RAB30: variants seen among roughly 807,000 people sequenced by gnomAD.
RAB30 encodes ras-related protein Rab-30.
In RAB30, 9 loss-of-function variants were observed where a neutral mutation model predicts 25.1. That is an observed-to-expected ratio of 0.36 (90% CI 0.22 to 0.63). The LOEUF (loss-of-function observed/expected upper bound fraction) is 0.63, where lower values mean the gene tolerates loss of function less well. RAB30 is among the 20% of genes least tolerant of loss of function. The pLI, the probability that RAB30 is intolerant of heterozygous loss-of-function variation, is 0.69. For synonymous variants in RAB30, 77 were observed against 86.4 expected, an observed-to-expected ratio of 0.89 and a Z score of 0.60; for missense variants, 140 against 243.5, an observed-to-expected ratio of 0.58 and a Z score of 2.83.
intron 1 of RAB30, among the ~76,000 whole-genome samples, chr11:83,042,997 G>T (rs1290245034): frequency 6.6e-6 from 1 of 152,076 alleles, no homozygotes; most frequent in Non-Finnish European, 1.5e-5. Flanking sequence ...TATTATTAAC[G>T]GTATTTGGAC....
intron 1 of RAB30, among the ~76,000 whole-genome samples, chr11:83,011,289 CGTT>C (rs1046157484): frequency 5.9e-5 from 9 of 152,120 alleles, no homozygotes; most frequent in African/African-American, 1.9e-4. Flanking sequence ...TTGTTTTGAT[CGTT>C]GTTGTAATCG....
At chr11:83,058,918 T>C (rs1858508735) in intron 1 of RAB30, among the ~76,000 whole-genome samples, 1 of 152,232 alleles carries the variant, frequency 6.6e-6, no homozygotes, top group African/African-American at 2.4e-5. Flanking sequence ...CTCTGTCTCC[T>C]GACCAGCCAC....
intron 1 of RAB30, among the ~76,000 whole-genome samples, chr11:82,998,672 T>G (rs1857011921): frequency 1.3e-5 from 2 of 149,558 alleles, no homozygotes; most frequent in South Asian, 2.1e-4. Context: ...GAAGAGACAA[T>G]GTCTGCCCTC....
chr11:83,005,943 T>C (rs186131287), intron 1 of RAB30, among the ~76,000 whole-genome samples: 1 of 150,916 alleles, frequency 6.6e-6, no homozygotes, highest in African/African-American at 2.5e-5. Flanking sequence ...AAATAGCACT[T>C]ACATTTTTTT....
rs1565262363 is a variant in RAB30, at chr11:82,975,630, G to C, written c.*6535C>G. 6.6e-6 allele frequency: 1 copy of C among 152,076 alleles called. No individual in the cohort carries two copies. The highest frequency in any genetic ancestry group is 1.5e-5 in the Non-Finnish European group (1 of 67,994). The allele number at this position is 152,076 out of a possible 1,614,324, so 9.4% of individuals were successfully genotyped here. On this transcript the variant is annotated 3_prime_UTR_variant, in exon 5 of 5. Transcript: ENST00000527633. The stretch of plus-strand genomic sequence containing the variant: ...CATTTTTACCAAGGGGAGGAAACAA[G>C]AGCCATACAGCCAGAATAATTCTTC...
At chr11:83,012,030 T>C (rs11233413) in intron 1 of RAB30, among the ~76,000 whole-genome samples, 41,146 of 152,012 alleles carry the variant, frequency 0.27, 6,007 homozygotes, top group Admixed American at 0.31. Flanking sequence ...AGGGGCTCAG[T>C]TTCTGCAGGA....
At chr11:82,988,546 TA>T (rs1856785675) in intron 3 of RAB30, among the ~76,000 whole-genome samples, 1 of 152,214 alleles carries the variant, frequency 6.6e-6, no homozygotes, top group South Asian at 2.1e-4. Context: ...TATTTCTTTA[TA>T]AAAAGTGGTT....
intron 3 of RAB30, among the ~76,000 whole-genome samples, chr11:82,993,446 ACAGATTGTAGGTACT>A (rs1194743476): frequency 6.6e-6 from 1 of 152,230 alleles, no homozygotes; most frequent in African/African-American, 2.4e-5. Context: ...AGAGGCACTG[ACAGATTGTAGGTACT>A]CAATAAACAT....
chr11:83,005,807 T>C (rs1857172297), intron 1 of RAB30, among the ~76,000 whole-genome samples: 1 of 152,066 alleles, frequency 6.6e-6, no homozygotes. Flanking sequence ...GACTGCAATA[T>C]ATATTATTAA....
intron 1 of RAB30, chr11:83,059,982 G>C (rs564581629): frequency 6.6e-6 from 1 of 152,102 alleles, no homozygotes; most frequent in Non-Finnish European, 1.5e-5. Context: ...AGGCCGAGAC[G>C]GGCAGATCGC....
intron 1 of RAB30, among the ~76,000 whole-genome samples, chr11:82,998,958 A>G (rs1857018193): frequency 6.6e-6 from 1 of 152,186 alleles, no homozygotes; most frequent in Non-Finnish European, 1.5e-5. Flanking sequence ...GAACCTGTCA[A>G]GTAGCCAGGG....
chr11:83,048,106 C>T (rs1410189922), intron 1 of RAB30, among the ~76,000 whole-genome samples: 2 of 152,090 alleles, frequency 1.3e-5, no homozygotes, highest in African/African-American at 4.8e-5. Context: ...GCTCACTTCT[C>T]TCCACAAGGC....
chr11:83,058,586 C>T (rs890812360), intron 1 of RAB30, among the ~76,000 whole-genome samples: 8 of 152,250 alleles, frequency 5.3e-5, no homozygotes, highest in African/African-American at 1.9e-4. Context: ...GAATGCCACA[C>T]GAGTGATACT....
At chr11:83,005,474 T>C (rs1276963208) in intron 1 of RAB30, among the ~76,000 whole-genome samples, 1 of 152,194 alleles carries the variant, frequency 6.6e-6, no homozygotes, top group Non-Finnish European at 1.5e-5. Flanking sequence ...TCAGAGAGAT[T>C]AATTAGTTCA....
At chr11:83,039,860 C>A (rs991337471) in intron 1 of RAB30, among the ~76,000 whole-genome samples, 1 of 152,130 alleles carries the variant, frequency 6.6e-6, no homozygotes, top group African/African-American at 2.4e-5. Context: ...TGTCAATGGA[C>A]TTCTCTGGAA....
intron 1 of RAB30, among the ~76,000 whole-genome samples, chr11:83,032,813 C>A (rs912143026): frequency 2.6e-5 from 4 of 151,980 alleles, no homozygotes; most frequent in Non-Finnish European, 5.9e-5. Context: ...TAAATAGGAA[C>A]CTTAATCATG....
At chr11:83,030,095 C>T (rs1484069910) in intron 1 of RAB30, among the ~76,000 whole-genome samples, 1 of 152,154 alleles carries the variant, frequency 6.6e-6, no homozygotes, top group Non-Finnish European at 1.5e-5. Flanking sequence ...AGGGTGTACA[C>T]TGTTTGGTTG....
intron 1 of RAB30, among the ~76,000 whole-genome samples, chr11:83,026,597 T>C (rs1238603487): frequency 6.6e-6 from 1 of 152,236 alleles, no homozygotes; most frequent in Non-Finnish European, 1.5e-5. Flanking sequence ...GTAAAGCCTG[T>C]AAAACTGTGA....
chr11:83,029,032 CA>C (rs962404799), intron 1 of RAB30, among the ~76,000 whole-genome samples: 2 of 151,226 alleles, frequency 1.3e-5, no homozygotes, highest in East Asian at 1.9e-4. Flanking sequence ...CAAAAACAAA[CA>C]AAAAAAAGCT....
Sources: gnomAD v4.1 joint callset for allele counts (sites outside exome capture counted in the v4.1 genomes callset) on GRCh38, gnomAD v4.1.1 for gene constraint, MANE v1.5 for transcripts, NCBI Gene and HGNC (gene_info 2026-07-23, HGNC 2026-07-21) for gene names.